Variants in SBNO1 observed in about 807,000 individuals in gnomAD.
SBNO1 encodes protein strawberry notch homolog 1.
In SBNO1, 23 loss-of-function variants were observed where a neutral mutation model predicts 173.6. The ratio of observed to expected loss-of-function variants is 0.13; its 90% CI spans 0.10 to 0.19. SBNO1 has a LOEUF of 0.19. Among genes scored for constraint, SBNO1 ranks in the 10% least tolerant of loss-of-function variants. The probability of loss-of-function intolerance (pLI) is 1.00; values close to 1 mark genes in which losing one functional copy is unlikely to be tolerated. For synonymous variants in SBNO1, 632 were observed against 571.5 expected (o/e 1.11, Z -1.51); for missense variants, 1,238 against 1,671.2 (o/e 0.74, Z 4.52).
intron 30 of SBNO1, 36 bp downstream of exon 30, chr12:123,302,788 T>G: frequency 7.0e-7 from 1 of 1,432,896 alleles, no homozygotes; most frequent in South Asian, 1.2e-5. Flanking sequence ...TCAATTAAAT[T>G]TTGGAAAATT....
chr12:123,293,452 T>G lies in SBNO1; in HGVS notation c.*2456A>C, dbSNP rs1234786029. 6.6e-6 allele frequency: 1 copy of G among 152,104 alleles called. No homozygotes were observed. Among genetic ancestry groups the G allele is most frequent in the South Asian group, 2.1e-4 (1 of 4,818 alleles). The allele number at this position is 152,104 out of a possible 1,614,324, so 9.4% of individuals were successfully genotyped here. A position where few individuals can be genotyped will look rare whatever the true frequency, so the allele number is the denominator to read the frequency against. On this transcript the variant is annotated 3_prime_UTR_variant, in exon 32 of 32. Transcript: ENST00000602398. ...CTCGCTGATTTTTGCAAGACCACAG[T>G]GTAAAGGTCGGATGTCCACCTGAAG...
At chr12:123,327,351 TC>T in intron 13 of SBNO1, 74 bp downstream of exon 13, 1 of 1,255,856 alleles carries the variant, frequency 8.0e-7, no homozygotes, top group African/African-American at 1.5e-5. Flanking sequence ...GCAGGAGGCA[TC>T]GCAATCGCCA....
At chr12:123,328,706 A>G (rs1257199526) in intron 10 of SBNO1, 28 bp downstream of exon 10, 4 of 1,442,126 alleles carry the variant, frequency 2.8e-6, no homozygotes, top group Admixed American at 2.4e-5. Flanking sequence ...TCGTTAAAAA[A>G]TAGAAAAATA....
rs1487623806 is a variant in SBNO1 at position 123,295,925 on chromosome 12, T to C, written c.4165A>G (p.Asn1389Asp). 3.7e-6 allele frequency: 6 copies of C among 1,613,436 alleles called. No homozygotes were observed. The highest frequency in any genetic ancestry group is 3.4e-6 in the Non-Finnish European group (4 of 1,179,358). The change falls in exon 32 of 32, where the codon AAC becomes GAC. Residue 1389 changes from asparagine to aspartate, a missense_variant. Around this residue, in one of 14 missense-constraint regions of SBNO1, gnomAD observed 351 missense variants for 420.3 expected, o/e 0.84. Transcript: ENST00000602398. ...WQQHHPQSIT[N>D]LSNA ...TCTGTTCTTCATGCGTTGCTCAAGT[T>C]GGTGATGCTCTGAGGGTGATGCTGT...
At chr12:123,341,276 G>A (rs574946051) in intron 4 of SBNO1, among the ~76,000 whole-genome samples, 188 bp from the exon 5 acceptor site, 253 of 151,912 alleles carry the variant, frequency 1.7e-3, no homozygotes, top group Non-Finnish European at 2.5e-3. Flanking sequence ...TTGTGAAACC[G>A]CATCTCTACT....
intron 3 of SBNO1, among the ~76,000 whole-genome samples, chr12:123,346,143 C>T (rs1173675889): frequency 6.6e-6 from 1 of 152,154 alleles, no homozygotes; most frequent in African/African-American, 2.4e-5. Context: ...AAGCCAGGCA[C>T]AGTGGTGTGC....
chr12:123,357,213 G>A (rs1282856331), intron 1 of SBNO1, among the ~76,000 whole-genome samples: 4 of 151,900 alleles, frequency 2.6e-5, no homozygotes, highest in Non-Finnish European at 4.4e-5. Flanking sequence ...CTGGGAGGCC[G>A]AGGCAGGCAG....
In SBNO1 at chr12:123,313,733, T is replaced by C; in HGVS notation, c.3121-14A>G. 6.8e-7 allele frequency: 1 copy of C among 1,476,544 alleles called. No homozygotes were observed. Among genetic ancestry groups the C allele is most frequent in the African/African-American group, 1.4e-5 (1 of 72,206 alleles). The allele number at this position is 1,476,544 out of a possible 1,614,324, so 91.5% of individuals were successfully genotyped here. The stretch of plus-strand genomic sequence containing the variant: ...ATTTCTTCCATACTGCAAAAAAAAA[T>C]CAAAACCTTTAACCAGTTTCAGCAT... On this transcript the variant is annotated splice_polypyrimidine_tract_variant and intron_variant, in intron 23 of 31. Coordinates refer to ENST00000602398, the MANE Select transcript of SBNO1 (RefSeq NM_001167856.3).
Position 123,289,678 on chromosome 12 carries a change from TG to T in SBNO1, c.*6229del, listed in dbSNP as rs1359343051. On this transcript the variant is annotated 3_prime_UTR_variant, in exon 32 of 32. Coordinates refer to ENST00000602398, the MANE Select transcript of SBNO1 (RefSeq NM_001167856.3). ...ACCTCTTCCCACCTCTCATGGATGATGGAAGATACAAGTGGTTATTGAAAAA... is the reference window on the plus strand; with the variant it reads ...ACCTCTTCCCACCTCTCATGGATGATGAAGATACAAGTGGTTATTGAAAAA... 6.6e-6 allele frequency: 1 copy of T among 152,344 alleles called. No individual in the cohort carries two copies. The highest frequency in any genetic ancestry group is 2.1e-4 in the South Asian group (1 of 4,826). 9.4% of individuals were successfully genotyped at this position (152,344 alleles called of 1,614,324 possible). A position where few individuals can be genotyped will look rare whatever the true frequency, so the allele number is the denominator to read the frequency against.
At position 123,299,543 on chromosome 12, in the gene SBNO1, T is replaced by C. The variant is rs923919190; in HGVS notation, c.3846-1372A>G. On this transcript the variant is annotated intron_variant, in intron 30 of 31. Coordinates refer to ENST00000602398, the MANE Select transcript of SBNO1 (RefSeq NM_001167856.3). ...AAAAATACAAAAAATTTGCAGGGTGTGGTGGCGGGCACCTGTAGTCCCAGC... is the reference window on the plus strand; with the variant it reads ...AAAAATACAAAAAATTTGCAGGGTGCGGTGGCGGGCACCTGTAGTCCCAGC... Among the ~76,000 whole-genome samples, 7 of 151,104 alleles carry C rather than the reference T, an allele frequency of 4.6e-5. No individual in the cohort carries two copies. The East Asian group carries it at 1.4e-3, about 29-fold the overall frequency.
intron 28 of SBNO1, 77 bp downstream of exon 28, chr12:123,309,232 CA>C: frequency 1.9e-6 from 2 of 1,037,706 alleles, no homozygotes; most frequent in Non-Finnish European, 3.0e-6. Flanking sequence ...GAAACAGGTA[CA>C]AAGTGAAGAG....
rs374891908 is a variant in SBNO1, at chr12:123,309,411, G to A, written c.3538-9C>T. The A allele has an allele frequency of 6.2e-7, 1 of 1,612,314 alleles. No individual in the cohort carries two copies. Among genetic ancestry groups the A allele is most frequent in the South Asian group, 1.1e-5 (1 of 91,040 alleles). Reference sequence around the variant, plus strand: ...CCCCTCTCTACACTAATCTGTAAGAGAAACAACGAAATTTAAACTCATTTC... The same window carrying A: ...CCCCTCTCTACACTAATCTGTAAGAAAAACAACGAAATTTAAACTCATTTC... On this transcript the variant is annotated splice_polypyrimidine_tract_variant and intron_variant, in intron 27 of 31. Transcript: ENST00000602398.
Position 123,327,695 on chromosome 12 carries a change from A to G in SBNO1, c.1538+12T>C. 1.2e-6 allele frequency: 2 copies of G among 1,604,286 alleles called. No individual in the cohort carries two copies. The highest frequency in any genetic ancestry group is 1.7e-6 in the Non-Finnish European group (2 of 1,171,184). ...TGCTACTGAGAAGAGTATATACCGT[A>G]AACTGCATTACCTCCGTTCTACTGC... On this transcript the variant is annotated intron_variant, in intron 12 of 31. Transcript: ENST00000602398.
intron 28 of SBNO1, among the ~76,000 whole-genome samples, chr12:123,308,203 G>A (rs551820409): frequency 2.0e-5 from 3 of 151,348 alleles, no homozygotes; most frequent in South Asian, 2.1e-4. Flanking sequence ...ATACTGTTGA[G>A]TATCTACACA....
At position 123,295,775 on chromosome 12, in the gene SBNO1, A is replaced by G; in HGVS notation, c.*133T>C. On this transcript the variant is annotated 3_prime_UTR_variant, in exon 32 of 32. Coordinates refer to ENST00000602398, the MANE Select transcript of SBNO1 (RefSeq NM_001167856.3). ...TGCTATCTATTCCAGGTTTGTCCTT[A>G]CTCCCAAAAAAACTAACTAGAGAGC... 1 of 1,185,862 alleles carries G rather than the reference A, an allele frequency of 8.4e-7. No homozygotes were observed. The highest frequency in any genetic ancestry group is 1.2e-6 in the Non-Finnish European group (1 of 838,388). The allele number at this position is 1,185,862 out of a possible 1,614,324, so 73.5% of individuals were successfully genotyped here. A position where few individuals can be genotyped will look rare whatever the true frequency, so the allele number is the denominator to read the frequency against.
chr12:123,350,807 T>C (rs1016268228), intron 1 of SBNO1, among the ~76,000 whole-genome samples: 12 of 152,086 alleles, frequency 7.9e-5, no homozygotes, highest in Admixed American at 7.2e-4. Context: ...ATTCAAAACA[T>C]AGAGGTATGA....
chr12:123,364,259 G>T, intron 1 of SBNO1: 1 of 985,602 alleles, frequency 1.0e-6, no homozygotes, highest in East Asian at 1.1e-4. Flanking sequence ...CAATGCTGGG[G>T]CACGAAAGAG....
chr12:123,317,133 CG>C, intron 21 of SBNO1, 87 bp downstream of exon 21: 1 of 1,393,662 alleles, frequency 7.2e-7, no homozygotes, highest in Admixed American at 1.8e-5. Flanking sequence ...CCTCTGTGCC[CG>C]GCCTAAACCT....
chr12:123,320,900 T>C (rs780879433), intron 17 of SBNO1, 34 bp from the exon 18 acceptor site: 8 of 1,453,524 alleles, frequency 5.5e-6, no homozygotes, highest in Middle Eastern at 2.6e-4. Flanking sequence ...GTCAAATCAT[T>C]TGTTAAAACA....
Sources: gnomAD v4.1 joint callset for allele counts (sites outside exome capture counted in the v4.1 genomes callset) on GRCh38, gnomAD v4.1.1 for gene constraint, gnomAD v4.1.1 regional missense constraint, MANE v1.5 for transcripts, NCBI Gene and HGNC (gene_info 2026-07-23, HGNC 2026-07-21) for gene names.